NCKAP5: variants seen among roughly 807,000 people sequenced by gnomAD.
NCKAP5 encodes nck-associated protein 5.
In NCKAP5, 92 loss-of-function variants were observed where a neutral mutation model predicts 167.0. The observed-to-expected ratio is 0.55, with a 90% CI of 0.47 to 0.66. The LOEUF is 0.66. Among genes scored for constraint, NCKAP5 ranks in the 30% least tolerant of loss-of-function variants. NCKAP5 has a pLI of 0.00. For synonymous variants in NCKAP5, 891 were observed against 877.4 expected (o/e 1.02, Z -0.27); for missense variants, 2,378 against 2,315.0 (o/e 1.03, Z -0.56).
chr2:133,071,660 G>A (rs879883975), intron 6 of NCKAP5, among the ~76,000 whole-genome samples: 1 of 152,106 alleles, frequency 6.6e-6, no homozygotes, highest in Non-Finnish European at 1.5e-5. Context: ...TATTCTTTCC[G>A]AGCGTCTATA....
chr2:133,587,038 G>A, the NCKAP5 span, among the ~76,000 whole-genome samples: 14 of 152,212 alleles, frequency 9.2e-5, no homozygotes, highest in Middle Eastern at 3.4e-3. Flanking sequence ...AGAGAAAGTC[G>A]AGGTAAAGGA....
chr2:133,650,718 A>G, the NCKAP5 span, among the ~76,000 whole-genome samples: 1 of 124,710 alleles, frequency 8.0e-6, no homozygotes, highest in African/African-American at 3.2e-5. Flanking sequence ...CTGGAGCGAG[A>G]AAAAAAAAAG....
intron 16 of NCKAP5, among the ~76,000 whole-genome samples, chr2:132,750,023 C>T (rs377179773): frequency 1.2e-4 from 19 of 152,212 alleles, no homozygotes; most frequent in African/African-American, 3.6e-4. Flanking sequence ...CAGAAACTGA[C>T]GCAAAGGTTT....
intron 3 of NCKAP5, among the ~76,000 whole-genome samples, chr2:133,405,144 T>C (rs1688343200): frequency 6.6e-6 from 1 of 152,200 alleles, no homozygotes; most frequent in Admixed American, 6.5e-5. Context: ...CTTGGAAAAA[T>C]ACTGAGTTAC....
At chr2:133,393,491 A>G (rs570101111) in intron 3 of NCKAP5, among the ~76,000 whole-genome samples, 11 of 152,362 alleles carry the variant, frequency 7.2e-5, no homozygotes, top group African/African-American at 2.4e-4. Flanking sequence ...AGTTTTAATT[A>G]CAAACAAAAA....
intron 8 of NCKAP5, among the ~76,000 whole-genome samples, chr2:132,899,100 T>C (rs1019745142): frequency 1.3e-5 from 2 of 152,224 alleles, no homozygotes; most frequent in African/African-American, 4.8e-5. Flanking sequence ...GTGTAGTAGC[T>C]TTCATCCATT....
intron 3 of NCKAP5, among the ~76,000 whole-genome samples, chr2:133,413,755 T>C (rs1688926738): frequency 6.6e-6 from 1 of 152,158 alleles, no homozygotes; most frequent in Non-Finnish European, 1.5e-5. Flanking sequence ...CCCGTAACAA[T>C]CAGAAGAAGC....
chr2:133,452,344 A>T (rs1691602072), intron 3 of NCKAP5, among the ~76,000 whole-genome samples: 1 of 152,192 alleles, frequency 6.6e-6, no homozygotes, highest in South Asian at 2.1e-4. Flanking sequence ...TTGTGCAGGC[A>T]GTGCATATGA....
the NCKAP5 span, among the ~76,000 whole-genome samples, chr2:133,671,742 A>G: frequency 2.0e-5 from 3 of 151,734 alleles, no homozygotes; most frequent in Admixed American, 6.6e-5. Flanking sequence ...GGTATACACA[A>G]CAACAACAAC....
chr2:133,382,742 T>C (rs1044001866), intron 3 of NCKAP5, among the ~76,000 whole-genome samples: 1 of 152,190 alleles, frequency 6.6e-6, no homozygotes, highest in Non-Finnish European at 1.5e-5. Context: ...GAGACTTTCA[T>C]CTGTTAATAA....
At chr2:132,851,440 A>G (rs1484547701) in intron 11 of NCKAP5, among the ~76,000 whole-genome samples, 1 of 152,094 alleles carries the variant, frequency 6.6e-6, no homozygotes, top group Non-Finnish European at 1.5e-5. Flanking sequence ...CCCTGATCAC[A>G]CTGGGGGCTA....
At chr2:133,608,314 T>C in the NCKAP5 span, among the ~76,000 whole-genome samples, 1 of 152,214 alleles carries the variant, frequency 6.6e-6, no homozygotes, top group African/African-American at 2.4e-5. Flanking sequence ...TTAAGTCCTG[T>C]AGGAGCCAAA....
chr2:133,258,784 C>A (rs1351418678), intron 4 of NCKAP5, among the ~76,000 whole-genome samples: 2 of 151,540 alleles, frequency 1.3e-5, no homozygotes, highest in Non-Finnish European at 2.9e-5. Flanking sequence ...AAGAAGAAAA[C>A]CAAAAGTAAC....
At chr2:133,053,164 C>G (rs1331560796) in intron 6 of NCKAP5, among the ~76,000 whole-genome samples, 1 of 152,198 alleles carries the variant, frequency 6.6e-6, no homozygotes, top group Non-Finnish European at 1.5e-5. Flanking sequence ...CCATTCTTCA[C>G]AGCTTTTTGT....
intron 6 of NCKAP5, among the ~76,000 whole-genome samples, chr2:133,114,505 A>G: frequency 6.6e-6 from 1 of 152,214 alleles, no homozygotes; most frequent in East Asian, 1.9e-4. Flanking sequence ...ATATGTTATC[A>G]CACCTAAAAA....
At position 133,353,620 on chromosome 2, in the gene NCKAP5, C is replaced by T. The variant is rs188613000; in HGVS notation, c.70-50510G>A. Among the ~76,000 whole-genome samples, 316 of 152,214 alleles carry T rather than the reference C, an allele frequency of 2.1e-3. 1 individual carries two copies. The highest frequency in any genetic ancestry group is 2.8e-3 in the Non-Finnish European group (192 of 68,010). Reference sequence around the variant, plus strand: ...AGTTGCCTTTTGGCCTGAGACACACCCCTATCCTGTCACATAAACTGCAAA... The same window carrying T: ...AGTTGCCTTTTGGCCTGAGACACACTCCTATCCTGTCACATAAACTGCAAA... On this transcript the variant is annotated intron_variant, in intron 3 of 19. Coordinates refer to ENST00000409261, the MANE Select transcript of NCKAP5 (RefSeq NM_207363.3).
intron 16 of NCKAP5, among the ~76,000 whole-genome samples, chr2:132,737,787 A>G (rs556849682): frequency 2.6e-5 from 4 of 152,356 alleles, no homozygotes; most frequent in Admixed American, 2.0e-4. Flanking sequence ...AAATGGCAAC[A>G]GTTCTCAAAA....
intron 19 of NCKAP5, among the ~76,000 whole-genome samples, chr2:132,677,577 G>A (rs1188819932): frequency 6.6e-6 from 1 of 152,004 alleles, no homozygotes; most frequent in African/African-American, 2.4e-5. Context: ...GAAATACACA[G>A]TAAGGAGGAG....
intron 3 of NCKAP5, among the ~76,000 whole-genome samples, chr2:133,463,344 C>T (rs1047760378): frequency 6.6e-6 from 1 of 152,282 alleles, no homozygotes; most frequent in South Asian, 2.1e-4. Flanking sequence ...GAAGAAATGG[C>T]CATGTGGTAG....
Sources: gnomAD v4.1 joint callset for allele counts (sites outside exome capture counted in the v4.1 genomes callset) on GRCh38, gnomAD v4.1.1 for gene constraint, MANE v1.5 for transcripts, NCBI Gene and HGNC (gene_info 2026-07-23, HGNC 2026-07-21) for gene names.